Variants in TSACC observed in about 807,000 individuals in gnomAD.
TSACC encodes the protein TSSK6 activating cochaperone, also known as TSSK6-activating co-chaperone protein.
TSACC carries 3 observed loss-of-function variants against 6.9 expected under a neutral mutation model. The observed-to-expected ratio is 0.43, with a 90% CI of 0.20 to 1.12. TSACC has a LOEUF of 1.12. Ranked by LOEUF, TSACC falls within the 50% of genes most tolerant of loss-of-function variation. The pLI is 0.28. For synonymous variants in TSACC, 54 were observed against 55.1 expected (o/e 0.98, Z 0.09); for missense variants, 137 against 143.9 (o/e 0.95, Z 0.24).
chr1:156,340,030 A>C (rs1166759100), intron 2 of TSACC, among the ~76,000 whole-genome samples: 1 of 152,258 alleles, frequency 6.6e-6, no homozygotes, highest in East Asian at 1.9e-4. Context: ...GTGAAGAGAT[A>C]CTGAGTTGTA....
chr1:156,344,798 A>G, intron 3 of TSACC, 90 bp downstream of exon 3: 4 of 1,481,680 alleles, frequency 2.7e-6, no homozygotes, highest in Admixed American at 2.1e-5. Context: ...ATTGATCAAG[A>G]GCCAAATCTA....
At chr1:156,344,794 C>A in intron 3 of TSACC, 86 bp downstream of exon 3, 2 of 1,501,836 alleles carry the variant, frequency 1.3e-6, no homozygotes, top group South Asian at 2.5e-5. Flanking sequence ...GCCTATTGAT[C>A]AAGAGCCAAA....
In TSACC at chr1:156,344,717, G is replaced by C; in HGVS notation, c.163+9G>C. On this transcript the variant is annotated intron_variant, in intron 3 of 3. Coordinates refer to ENST00000368254, the MANE Select transcript of TSACC (RefSeq NM_001304817.2). ...AACAAAGCTGCCCTCGGGTAAGGAT[G>C]TAGGGAGGGTTTTCTAATGGACTCA... 2 of 1,613,002 alleles carry C rather than the reference G, an allele frequency of 1.2e-6. No homozygotes were observed.
In TSACC at chr1:156,344,569, C is replaced by G. The variant is rs111931692; in HGVS notation, c.35-11C>G. On this transcript the variant is annotated splice_polypyrimidine_tract_variant and intron_variant, in intron 2 of 3. Transcript: ENST00000368254. The stretch of plus-strand genomic sequence containing the variant: ...TTGGAATGAGCTCTGATTTAGTTAT[C>G]TCTGATTTAGTTCCAGCCAAAGAGG... The G allele has an allele frequency of 2.3e-4, 375 of 1,612,566 alleles. 1 individual carries two copies. In the African/African-American group the frequency reaches 4.5e-3, roughly 19 times the overall value.
At chr1:156,337,322 C>A, upstream of TSACC, 1 of 265,656 alleles carries the variant, frequency 3.8e-6, no homozygotes, top group Non-Finnish European at 7.5e-6. Flanking sequence ...GCAGGAGGAT[C>A]GCTTGAACCT....
chr1:156,338,035 G>C (rs1332174661), upstream of TSACC: 3 of 1,114,426 alleles, frequency 2.7e-6, no homozygotes, highest in Non-Finnish European at 4.0e-6. Context: ...CCAAAATGAA[G>C]ACGATGATTG....
upstream of TSACC, chr1:156,338,440 T>C (rs1665569251): frequency 1.7e-6 from 1 of 571,732 alleles, no homozygotes; most frequent in Admixed American, 3.1e-5. Flanking sequence ...ACGAAGGCAC[T>C]GGGAGGGCAC....
At chr1:156,338,038 G>C (rs989396475), upstream of TSACC, 10 of 1,141,384 alleles carry the variant, frequency 8.8e-6, no homozygotes, top group Non-Finnish European at 1.2e-5. Flanking sequence ...AAATGAAGAC[G>C]ATGATTGGAA....
rs113815767 is a variant in TSACC, at chr1:156,346,548, CAAGG to C, written c.164-219_164-216del. Reference sequence around the variant, plus strand: ...CATAAATATTATGGGAAAAGTGAAACAAGGGAGGGGGTAATAAGTTCCAGTGATT... The same window carrying C: ...CATAAATATTATGGGAAAAGTGAAACGAGGGGGTAATAAGTTCCAGTGATT... On this transcript the variant is annotated intron_variant, in intron 3 of 3. Coordinates refer to ENST00000368254, the MANE Select transcript of TSACC (RefSeq NM_001304817.2). 9.7e-3 allele frequency among the ~76,000 whole-genome samples: 1,473 copies of C among 152,028 alleles called. 30 individuals are homozygous for C. The highest frequency in any genetic ancestry group is 0.033 in the African/African-American group (1,362 of 41,446).
At chr1:156,337,754 C>T (rs1665491366), upstream of TSACC, 1 of 233,992 alleles carries the variant, frequency 4.3e-6, no homozygotes, top group Non-Finnish European at 8.4e-6. Context: ...ATTACCGCTA[C>T]TAAGGGATGG....
upstream of TSACC, chr1:156,338,076 G>T: frequency 6.7e-7 from 1 of 1,486,786 alleles, no homozygotes; most frequent in African/African-American, 1.4e-5. Context: ...AGTGGGGGAC[G>T]GAGCTGGGGC....
chr1:156,337,884 G>C, upstream of TSACC: 1 of 528,686 alleles, frequency 1.9e-6, no homozygotes. Context: ...TGGGGGCTGA[G>C]GGACAGAACG....
intron 2 of TSACC, among the ~76,000 whole-genome samples, chr1:156,339,997 T>C (rs1401183236): frequency 6.6e-6 from 1 of 152,236 alleles, no homozygotes; most frequent in Admixed American, 6.5e-5. Context: ...TACAGGATCT[T>C]AGAAGACATG....
chr1:156,341,019 T>C (rs1665852131), intron 2 of TSACC, among the ~76,000 whole-genome samples: 1 of 151,836 alleles, frequency 6.6e-6, no homozygotes, highest in African/African-American at 2.4e-5. Flanking sequence ...TAGTACAGAC[T>C]GGGTTACGCC....
intron 3 of TSACC, 127 bp downstream of exon 3, chr1:156,344,835 G>T: frequency 8.4e-7 from 1 of 1,196,336 alleles, no homozygotes; most frequent in South Asian, 1.6e-5. Flanking sequence ...ATCTTTCCGT[G>T]ATAGCTTGTT....
chr1:156,344,469 C>T (rs1666056171), intron 2 of TSACC, 111 bp from the exon 3 acceptor site: 2 of 1,407,990 alleles, frequency 1.4e-6, no homozygotes, highest in South Asian at 2.8e-5. Context: ...TGATATGTAA[C>T]ATATTCACGG....
intron 3 of TSACC, among the ~76,000 whole-genome samples, chr1:156,345,535 C>G (rs1378290167): frequency 6.6e-6 from 1 of 150,458 alleles, no homozygotes; most frequent in Non-Finnish European, 1.5e-5. Flanking sequence ...TGCACTCCAG[C>G]CTGGGCAACA....
intron 2 of TSACC, among the ~76,000 whole-genome samples, chr1:156,340,119 G>T (rs1156841126): frequency 6.6e-6 from 1 of 152,142 alleles, no homozygotes; most frequent in Non-Finnish European, 1.5e-5. Flanking sequence ...ACTTTAGCTG[G>T]ATCAGATTAT....
intron 3 of TSACC, among the ~76,000 whole-genome samples, chr1:156,345,336 G>A (rs1666106048): frequency 2.0e-5 from 3 of 152,146 alleles, no homozygotes; most frequent in African/African-American, 7.2e-5. Flanking sequence ...GCCAAGGCAG[G>A]TGGATTGTCT....
Sources: gnomAD v4.1 joint callset for allele counts (sites outside exome capture counted in the v4.1 genomes callset) on GRCh38, gnomAD v4.1.1 for gene constraint, MANE v1.5 for transcripts, NCBI Gene and HGNC (gene_info 2026-07-23, HGNC 2026-07-21) for gene names.